The following ERC2 variants were observed in gnomAD, a reference collection of about 807,000 sequenced individuals.
The protein encoded by ERC2 is ERC protein 2.
In ERC2, 42 loss-of-function variants were observed where a neutral mutation model predicts 114.8. The ratio of observed to expected loss-of-function variants is 0.37; its 90% CI spans 0.29 to 0.47. ERC2 has a LOEUF of 0.47. Among genes scored for constraint, ERC2 ranks in the 20% least tolerant of loss-of-function variants. The pLI is 0.99. For synonymous variants in ERC2, 454 were observed against 425.5 expected, an observed-to-expected ratio of 1.07 and a Z score of -0.82; for missense variants, 939 against 1,150.7, an observed-to-expected ratio of 0.82 and a Z score of 2.66.
chr3:56,064,652 T>C (rs1414543735), intron 7 of ERC2, among the ~76,000 whole-genome samples: 7 of 152,200 alleles, frequency 4.6e-5, no homozygotes, highest in Non-Finnish European at 1.0e-4. Flanking sequence ...ACAGTAAATA[T>C]AGTCTGGAAA....
At chr3:55,996,581 C>A (rs1576496294) in intron 10 of ERC2, among the ~76,000 whole-genome samples, 1 of 152,150 alleles carries the variant, frequency 6.6e-6, no homozygotes, top group East Asian at 1.9e-4. Context: ...GCATCGCATA[C>A]TACATCAGTA....
intron 10 of ERC2, among the ~76,000 whole-genome samples, chr3:55,997,906 TTGTG>T (rs1279001290): frequency 5.3e-5 from 2 of 37,624 alleles, no homozygotes; most frequent in East Asian, 6.3e-4. Flanking sequence ...TTTTTTTTTT[TTGTG>T]TGTGTGTGTG....
intron 17 of ERC2, among the ~76,000 whole-genome samples, chr3:55,681,921 C>T (rs566271802): frequency 6.6e-6 from 1 of 152,222 alleles, no homozygotes; most frequent in South Asian, 2.1e-4. Flanking sequence ...CTTCACTATT[C>T]AGGAGGAAAC....
intron 17 of ERC2, among the ~76,000 whole-genome samples, chr3:55,665,229 C>G (rs1365091425): frequency 2.0e-5 from 3 of 152,208 alleles, no homozygotes; most frequent in Admixed American, 2.0e-4. Context: ...GCTCTTTCCA[C>G]TGTTCTCAGG....
chr3:56,104,955 T>C (rs988230284), intron 6 of ERC2, among the ~76,000 whole-genome samples: 1 of 147,976 alleles, frequency 6.8e-6, no homozygotes, highest in Non-Finnish European at 1.5e-5. Context: ...TGGAGGGAGC[T>C]GCAGTTTTAA....
At chr3:55,821,418 G>A (rs1383134160) in intron 14 of ERC2, among the ~76,000 whole-genome samples, 1 of 152,174 alleles carries the variant, frequency 6.6e-6, no homozygotes, top group Non-Finnish European at 1.5e-5. Flanking sequence ...AAGGGGCTGA[G>A]TGCTACTAAG....
In ERC2 at chr3:55,695,629, T is replaced by C. The variant is rs565299635; in HGVS notation, c.2847+3749A>G. Among the ~76,000 whole-genome samples the C allele has an allele frequency of 2.0e-5, 3 of 152,272 alleles. No homozygotes were observed. The South Asian group carries it at 6.2e-4, about 32-fold the overall frequency. The stretch of plus-strand genomic sequence containing the variant: ...TGGGATCACTCTTTCTCAGATATTA[T>C]TGCCTTTAAGAAGGTATCCCAGGAA... On this transcript the variant is annotated intron_variant, in intron 16 of 17. Transcript: ENST00000288221.
intron 16 of ERC2, among the ~76,000 whole-genome samples, chr3:55,690,748 T>TA (rs1190557810): frequency 6.6e-6 from 1 of 152,252 alleles, no homozygotes; most frequent in Non-Finnish European, 1.5e-5. Flanking sequence ...CCTGATGCAT[T>TA]AAGCAGCTCT....
intron 17 of ERC2, among the ~76,000 whole-genome samples, chr3:55,565,491 A>G (rs1333016767): frequency 6.6e-6 from 1 of 152,108 alleles, no homozygotes; most frequent in Non-Finnish European, 1.5e-5. Flanking sequence ...TAGAGGGGTC[A>G]GTGAATCCAC....
chr3:56,048,844 A>G (rs1020163271), intron 7 of ERC2, among the ~76,000 whole-genome samples: 4 of 152,216 alleles, frequency 2.6e-5, no homozygotes, highest in African/African-American at 9.6e-5. Flanking sequence ...TCAGACAGTG[A>G]TAAGTACAAA....
chr3:55,697,452 G>T (rs1475721436), intron 16 of ERC2, among the ~76,000 whole-genome samples: 2 of 152,150 alleles, frequency 1.3e-5, no homozygotes, highest in African/African-American at 4.8e-5. Flanking sequence ...TTCTGGGAAG[G>T]ACACCACCCT....
At chr3:56,298,816 A>T (rs1484899397) in intron 2 of ERC2, among the ~76,000 whole-genome samples, 1 of 152,188 alleles carries the variant, frequency 6.6e-6, no homozygotes, top group East Asian at 1.9e-4. Flanking sequence ...ACTAAAACCA[A>T]CGAATTTCAC....
In ERC2 at chr3:55,709,845, T is replaced by G. The variant is rs575400504; in HGVS notation, c.2713-10333A>C. 1.6e-4 allele frequency among the ~76,000 whole-genome samples: 24 copies of G among 152,202 alleles called. No individual in the cohort carries two copies. The East Asian group carries it at 4.7e-3, about 30-fold the overall frequency. On this transcript the variant is annotated intron_variant, in intron 15 of 17. Coordinates refer to ENST00000288221, the MANE Select transcript of ERC2 (RefSeq NM_015576.3). ...AGGTGTGGAGACAGCCAGGAGAGGC[T>G]TGGCAGCTGGGAGGGAGAACGAGAC...
intron 10 of ERC2, among the ~76,000 whole-genome samples, chr3:55,998,264 C>T (rs973583953): frequency 6.6e-6 from 1 of 152,000 alleles, no homozygotes; most frequent in Non-Finnish European, 1.5e-5. Context: ...CACACACACA[C>T]ATACACACAA....
At chr3:56,001,996 T>A (rs2072106942) in intron 10 of ERC2, among the ~76,000 whole-genome samples, 1 of 152,128 alleles carries the variant, frequency 6.6e-6, no homozygotes, top group Admixed American at 6.6e-5. Context: ...TATTCAAATG[T>A]TAAGGGAAAA....
intron 14 of ERC2, among the ~76,000 whole-genome samples, chr3:55,805,459 C>T (rs1196477388): frequency 2.0e-4 from 30 of 151,666 alleles, no homozygotes; most frequent in Admixed American, 2.0e-3. Flanking sequence ...AGCCCTGTGT[C>T]ATCTGTATCC....
chr3:55,767,482 A>G (rs57457614), intron 14 of ERC2, among the ~76,000 whole-genome samples: 1,923 of 152,214 alleles, frequency 0.013, 37 homozygotes, highest in African/African-American at 0.044. Flanking sequence ...CTGTGGACAG[A>G]CGCCCAGCTC....
intron 14 of ERC2, among the ~76,000 whole-genome samples, chr3:55,813,352 G>A (rs925080505): frequency 3.3e-5 from 5 of 152,190 alleles, no homozygotes; most frequent in African/African-American, 7.2e-5. Context: ...CAGAGGCCAC[G>A]TGGAGCAAGT....
intron 9 of ERC2, among the ~76,000 whole-genome samples, chr3:56,010,010 T>C (rs2072792449): frequency 6.6e-6 from 1 of 152,184 alleles, no homozygotes; most frequent in African/African-American, 2.4e-5. Flanking sequence ...TCTGAGAGTA[T>C]TGGGTGGTCC....
Sources: gnomAD v4.1 joint callset for allele counts (sites outside exome capture counted in the v4.1 genomes callset) on GRCh38, gnomAD v4.1.1 for gene constraint, MANE v1.5 for transcripts, NCBI Gene and HGNC (gene_info 2026-07-23, HGNC 2026-07-21) for gene names.